NDST3: variants seen among roughly 807,000 people sequenced by gnomAD.
NDST3 encodes N-deacetylase and N-sulfotransferase 3, also known as bifunctional heparan sulfate N-deacetylase/N-sulfotransferase 3.
A neutral mutation model predicts 96.1 loss-of-function variants in NDST3; 58 were observed. The observed-to-expected ratio is 0.60, with a 90% CI of 0.49 to 0.75. NDST3 has a LOEUF of 0.75. Ranked by LOEUF, NDST3 falls within the 30% of genes least tolerant of loss-of-function variation. NDST3 has a pLI of 0.00. For synonymous variants in NDST3, 333 were observed against 359.7 expected (o/e 0.93, Z 0.84); for missense variants, 788 against 1,034.2 (o/e 0.76, Z 3.27).
At chr4:118,202,585 G>A (rs1282829638) in intron 6 of NDST3, among the ~76,000 whole-genome samples, 1 of 152,126 alleles carries the variant, frequency 6.6e-6, no homozygotes, top group Non-Finnish European at 1.5e-5. Context: ...TATTGTAAAT[G>A]GGATTATGTT....
chr4:118,115,995 G>A (rs1476432536), intron 4 of NDST3, among the ~76,000 whole-genome samples: 1 of 152,044 alleles, frequency 6.6e-6, no homozygotes, highest in Admixed American at 6.6e-5. Flanking sequence ...GCTCCTCCAT[G>A]CTGATACTGT....
At chr4:118,050,960 A>G (rs973041099) in intron 1 of NDST3, among the ~76,000 whole-genome samples, 8 of 152,234 alleles carry the variant, frequency 5.3e-5, no homozygotes, top group African/African-American at 1.9e-4. Context: ...AGACTACCTG[A>G]CTTCAAACTA....
At position 118,069,276 on chromosome 4, in the gene NDST3, A is replaced by C. The variant is rs142211478; in HGVS notation, c.981+14385A>C. Among the ~76,000 whole-genome samples the C allele has an allele frequency of 2.0e-4, 30 of 152,214 alleles. No individual in the cohort carries two copies. The East Asian group carries it at 5.2e-3, about 26-fold the overall frequency. Reference sequence around the variant, plus strand: ...GAGAGGTTAATTATACTTCAGGTTTAATTGAATGTGCTTCTAATGAAATAG... The same window carrying C: ...GAGAGGTTAATTATACTTCAGGTTTCATTGAATGTGCTTCTAATGAAATAG... On this transcript the variant is annotated intron_variant, in intron 2 of 13. Coordinates refer to ENST00000296499, the MANE Select transcript of NDST3 (RefSeq NM_004784.3).
chr4:118,156,581 T>G (rs771935343), intron 6 of NDST3, among the ~76,000 whole-genome samples: 2 of 152,204 alleles, frequency 1.3e-5, no homozygotes, highest in African/African-American at 2.4e-5. Context: ...AGAAATTTGG[T>G]TGCCTTGGAA....
chr4:118,120,963 C>T (rs1731515303), intron 4 of NDST3, among the ~76,000 whole-genome samples: 1 of 151,722 alleles, frequency 6.6e-6, no homozygotes, highest in South Asian at 2.1e-4. Flanking sequence ...CTGTGTCTGC[C>T]CGACCCTCTG....
intron 2 of NDST3, among the ~76,000 whole-genome samples, chr4:118,057,316 T>A (rs1725509760): frequency 6.6e-6 from 1 of 151,912 alleles, no homozygotes; most frequent in Non-Finnish European, 1.5e-5. Flanking sequence ...AAAATTTCAG[T>A]TTTATTAAAG....
intron 2 of NDST3, among the ~76,000 whole-genome samples, chr4:118,099,257 CCATGGT>C (rs1304876513): frequency 6.6e-6 from 1 of 152,002 alleles, no homozygotes; most frequent in East Asian, 1.9e-4. Flanking sequence ...TGCTGTTCTG[CCATGGT>C]CATGTATGTT....
intron 12 of NDST3, among the ~76,000 whole-genome samples, chr4:118,248,181 T>TA: frequency 6.6e-6 from 1 of 151,920 alleles, no homozygotes; most frequent in African/African-American, 2.4e-5. Flanking sequence ...TGGAACCCCA[T>TA]CTCTACTAAA....
At chr4:118,228,071 A>T (rs1740024646) in intron 8 of NDST3, among the ~76,000 whole-genome samples, 1 of 152,198 alleles carries the variant, frequency 6.6e-6, no homozygotes, top group Admixed American at 6.5e-5. Context: ...CTTGCTAAGG[A>T]GAATACATTC....
At chr4:118,196,510 A>C (rs893726919) in intron 6 of NDST3, among the ~76,000 whole-genome samples, 3 of 152,074 alleles carry the variant, frequency 2.0e-5, no homozygotes, top group African/African-American at 7.2e-5. Flanking sequence ...TTTAATTACA[A>C]CTTCAATCAT....
intron 2 of NDST3, among the ~76,000 whole-genome samples, chr4:118,074,583 T>A (rs1013862962): frequency 6.6e-6 from 1 of 152,188 alleles, no homozygotes; most frequent in Non-Finnish European, 1.5e-5. Flanking sequence ...TCTTGTTTTC[T>A]GTTTGCTTCA....
At position 118,255,513 on chromosome 4, in the gene NDST3, T is replaced by C. The variant is rs1195400284; in HGVS notation, c.2503-80T>C. 2.9e-6 allele frequency: 4 copies of C among 1,382,678 alleles called. No homozygotes were observed. In the East Asian group the frequency reaches 7.2e-5, roughly 25 times the overall value. The allele number at this position is 1,382,678 out of a possible 1,614,324, so 85.7% of individuals were successfully genotyped here. On this transcript the variant is annotated intron_variant, in intron 13 of 13. Coordinates refer to ENST00000296499, the MANE Select transcript of NDST3 (RefSeq NM_004784.3). Reference sequence around the variant, plus strand: ...TTTAATCCAGATCTGGTATACTTGGTACTTATTTCAACGTAGTCAAAGTGT... The same window carrying C: ...TTTAATCCAGATCTGGTATACTTGGCACTTATTTCAACGTAGTCAAAGTGT...
At chr4:118,199,287 C>T (rs1387525107) in intron 6 of NDST3, among the ~76,000 whole-genome samples, 1 of 152,078 alleles carries the variant, frequency 6.6e-6, no homozygotes, top group Admixed American at 6.6e-5. Flanking sequence ...TTTCAAATAG[C>T]CTGTTTTCAA....
At chr4:118,147,289 G>A (rs1313555292) in intron 6 of NDST3, among the ~76,000 whole-genome samples, 3 of 152,148 alleles carry the variant, frequency 2.0e-5, no homozygotes, top group Admixed American at 6.5e-5. Context: ...CAGAGTGTTC[G>A]TTGATTAAGG....
chr4:118,145,692 G>C (rs965122253), intron 6 of NDST3, among the ~76,000 whole-genome samples: 5 of 152,160 alleles, frequency 3.3e-5, no homozygotes, highest in African/African-American at 1.2e-4. Flanking sequence ...GCAATTTTAT[G>C]TCTTGAGGAG....
At chr4:118,124,768 G>A (rs1252542230) in intron 4 of NDST3, among the ~76,000 whole-genome samples, 1 of 152,082 alleles carries the variant, frequency 6.6e-6, no homozygotes, top group Non-Finnish European at 1.5e-5. Context: ...ACTCCAGAGT[G>A]ATAAGGTGAC....
At chr4:118,053,713 A>T in intron 1 of NDST3, 43 bp from the exon 2 acceptor site, 2 of 540,988 alleles carry the variant, frequency 3.7e-6, no homozygotes, top group Non-Finnish European at 6.2e-6. Context: ...TGCTTATTTT[A>T]ATGCTGCAAA....
intron 6 of NDST3, among the ~76,000 whole-genome samples, chr4:118,149,935 T>C (rs1227417231): frequency 6.7e-6 from 1 of 150,194 alleles, no homozygotes; most frequent in Non-Finnish European, 1.5e-5. Flanking sequence ...GTCCCATCAA[T>C]ACCTAATTTA....
intron 6 of NDST3, among the ~76,000 whole-genome samples, chr4:118,176,326 A>G (rs1275324293): frequency 6.6e-6 from 1 of 152,130 alleles, no homozygotes; most frequent in African/African-American, 2.4e-5. Flanking sequence ...ATTTAACATT[A>G]TAAATTCTTT....
Sources: allele counts gnomAD v4.1 joint callset (sites outside exome capture counted in the v4.1 genomes callset), GRCh38; gene constraint gnomAD v4.1.1; transcripts MANE v1.5; gene names NCBI Gene and HGNC (gene_info 2026-07-23, HGNC 2026-07-21).